FKBP6: variants seen among roughly 807,000 people sequenced by gnomAD.
The protein encoded by FKBP6 is FKBP prolyl isomerase family member 6 (inactive).
In FKBP6, 29 loss-of-function variants were observed where a neutral mutation model predicts 41.7. The observed-to-expected ratio is 0.70, with a 90% CI of 0.52 to 0.95. The LOEUF is 0.95. Among genes scored for constraint, FKBP6 ranks in the 40% least tolerant of loss-of-function variants. FKBP6 has a pLI of 0.00. For missense variants in FKBP6, 338 were observed against 408.7 expected (o/e 0.83, Z 1.49); for synonymous variants, 130 against 165.1 (o/e 0.79, Z 1.63).
At chr7:73,353,054 G>A (rs530158443) in intron 8 of FKBP6, among the ~76,000 whole-genome samples, 37 of 152,150 alleles carry the variant, frequency 2.4e-4, no homozygotes, top group Non-Finnish European at 3.4e-4. Context: ...CAAAGACAGC[G>A]GCATGATATC....
At chr7:73,337,505 G>A (rs1805043103) in intron 5 of FKBP6, among the ~76,000 whole-genome samples, 1 of 151,724 alleles carries the variant, frequency 6.6e-6, no homozygotes, top group Non-Finnish European at 1.5e-5. Context: ...TAGTAGAGGT[G>A]GGGTTTCCAT....
At chr7:73,340,866 C>T (rs1805158259) in intron 6 of FKBP6, 34 bp downstream of exon 6, 2 of 1,519,088 alleles carry the variant, frequency 1.3e-6, no homozygotes, top group Admixed American at 1.7e-5. Flanking sequence ...GGAATAAACA[C>T]CCAGGAAAAG....
At chr7:73,354,543 C>A (rs933860694) in intron 8 of FKBP6, among the ~76,000 whole-genome samples, 2 of 152,162 alleles carry the variant, frequency 1.3e-5, no homozygotes, top group African/African-American at 2.4e-5. Flanking sequence ...CAGCAGAGTC[C>A]CAAGGGGTGA....
chr7:73,340,722 C>T lies in FKBP6; in HGVS notation c.673C>T (p.Leu225=), dbSNP rs1193257324. Residue 225 remains leucine, a synonymous_variant, in exon 6 of 9, where the codon CTG becomes TTG. Coordinates refer to ENST00000252037, the MANE Select transcript of FKBP6 (RefSeq NM_003602.5). The part of the protein sequence containing the change: ...EAAKLPVLLN[L]SFTYLKLDRP... Reference sequence around the variant, plus strand: ...CGCCAAGCTTCCTGTTCTCCTGAACCTGTCCTTTACATACCTGAAGCTAGA... The same window carrying T: ...CGCCAAGCTTCCTGTTCTCCTGAACTTGTCCTTTACATACCTGAAGCTAGA... 1.2e-6 allele frequency: 2 copies of T among 1,613,986 alleles called. No individual in the cohort carries two copies. The highest frequency in any genetic ancestry group is 1.7e-6 in the Non-Finnish European group (2 of 1,179,980).
At chr7:73,347,272 T>C (rs150179921) in intron 8 of FKBP6, among the ~76,000 whole-genome samples, 70 of 152,320 alleles carry the variant, frequency 4.6e-4, no homozygotes, top group Middle Eastern at 6.8e-3. Context: ...TGTGTTAATA[T>C]TTTTAATGTA....
chr7:73,336,647 C>A, intron 5 of FKBP6: 1 of 425,168 alleles, frequency 2.4e-6, no homozygotes, highest in Non-Finnish European at 4.7e-6. Flanking sequence ...ATGCTACAAA[C>A]AGGGGTCCAC....
rs1161953394 is a variant in FKBP6 at position 73,328,240 on chromosome 7, G to A, written c.-189G>A. 2 of 1,549,148 alleles carry A rather than the reference G, an allele frequency of 1.3e-6. No homozygotes were observed. The highest frequency in any genetic ancestry group is 1.7e-6 in the Non-Finnish European group (2 of 1,146,646). On this transcript the variant is annotated 5_prime_UTR_variant, in exon 1 of 9. Coordinates refer to ENST00000252037, the MANE Select transcript of FKBP6 (RefSeq NM_003602.5). ...CTCTGTAGTTCCAGAGCTCGCGAGG[G>A]CCAGGGCCGTTGGCGGCGGTTGGAA...
chr7:73,344,767 TAG>T (rs377688263), intron 8 of FKBP6, among the ~76,000 whole-genome samples: 248 of 152,302 alleles, frequency 1.6e-3, no homozygotes, highest in Middle Eastern at 0.01. Context: ...GTATTTTTAG[TAG>T]AGACAGGGTT....
intron 4 of FKBP6, among the ~76,000 whole-genome samples, chr7:73,331,346 G>A (rs1804834866): frequency 6.6e-6 from 1 of 152,202 alleles, no homozygotes; most frequent in African/African-American, 2.4e-5. Context: ...GGGGAAGACT[G>A]AAGACGTAGA....
At chr7:73,354,771 G>A (rs1451155368) in intron 8 of FKBP6, among the ~76,000 whole-genome samples, 5 of 152,322 alleles carry the variant, frequency 3.3e-5, no homozygotes, top group Non-Finnish European at 5.9e-5. Flanking sequence ...GAAGGGCTGA[G>A]TGACCCATGC....
chr7:73,347,682 T>A (rs1156758982), intron 8 of FKBP6, among the ~76,000 whole-genome samples: 1 of 152,226 alleles, frequency 6.6e-6, no homozygotes, highest in Non-Finnish European at 1.5e-5. Flanking sequence ...TCTCGCTCTG[T>A]CACCCAGGCT....
chr7:73,336,902 A>G (rs1805022450), intron 5 of FKBP6: 3 of 437,872 alleles, frequency 6.9e-6, no homozygotes, highest in Admixed American at 5.0e-5. Context: ...GTTGTATATG[A>G]TGAAGTTGTA....
chr7:73,350,882 G>T (rs1805470903), intron 8 of FKBP6, among the ~76,000 whole-genome samples: 1 of 151,980 alleles, frequency 6.6e-6, no homozygotes, highest in Admixed American at 6.6e-5. Context: ...CTGCTCAGTT[G>T]CCAGGAAACC....
chr7:73,343,419 T>G (rs1021004688), intron 8 of FKBP6, among the ~76,000 whole-genome samples: 3 of 152,202 alleles, frequency 2.0e-5, no homozygotes, highest in Non-Finnish European at 2.9e-5. Flanking sequence ...ATGAATGTGA[T>G]GGTTGATAGA....
At chr7:73,355,934 C>G (rs1275535018) in intron 8 of FKBP6, among the ~76,000 whole-genome samples, 1 of 151,554 alleles carries the variant, frequency 6.6e-6, no homozygotes, top group South Asian at 2.1e-4. Context: ...AGTGTGGTAG[C>G]GGGCGCCTGT....
At position 73,340,668 on chromosome 7, in the gene FKBP6, C is replaced by A. The variant is rs782694012; in HGVS notation, c.619C>A (p.Pro207Thr). The change falls in exon 6 of 9, where the codon CCC (proline) becomes ACC (threonine). Residue 207 changes from proline to threonine, a missense_variant. Coordinates refer to ENST00000252037, the MANE Select transcript of FKBP6 (RefSeq NM_003602.5). ...ATTGCTTCTGCGCCGGCGATCAGCA[C>A]CCCCTGAAGAGCAGCACCTGGTGGA... ...ALLLLRRRSAPPEEQHLVEAA... is the reference protein window; with the variant it reads ...ALLLLRRRSATPEEQHLVEAA... 11 of 1,613,450 alleles carry A rather than the reference C, an allele frequency of 6.8e-6. No individual in the cohort carries two copies. In the African/African-American group the frequency reaches 1.1e-4, roughly 16 times the overall value.
intron 8 of FKBP6, among the ~76,000 whole-genome samples, chr7:73,353,366 A>G (rs1805542521): frequency 6.6e-6 from 1 of 152,210 alleles, no homozygotes; most frequent in Admixed American, 6.5e-5. Flanking sequence ...ATACTCTGTT[A>G]CAGATCAGCA....
rs1326721186 is a variant in FKBP6 at position 73,341,214 on chromosome 7, G to A, written c.784-59G>A. The A allele has an allele frequency of 8.5e-5, 103 of 1,212,288 alleles. 1 individual carries two copies. In the East Asian group the frequency reaches 1.9e-3, roughly 22 times the overall value. 75.1% of individuals were successfully genotyped at this position (1,212,288 alleles called of 1,614,324 possible). ...GCTGGGATTACAGGCATGAGCCACC[G>A]TGCCCAGCCAAATGATATCTTTTCT... On this transcript the variant is annotated intron_variant, in intron 6 of 8. Coordinates refer to ENST00000252037, the MANE Select transcript of FKBP6 (RefSeq NM_003602.5).
At chr7:73,341,069 A>G (rs1476353071) in intron 6 of FKBP6, among the ~76,000 whole-genome samples, 2 of 151,842 alleles carry the variant, frequency 1.3e-5, no homozygotes, top group African/African-American at 4.8e-5. Context: ...GATTACAGGC[A>G]TGCGCCATCA....
Sources: allele counts gnomAD v4.1 joint callset (sites outside exome capture counted in the v4.1 genomes callset), GRCh38; gene constraint gnomAD v4.1.1; transcripts MANE v1.5; gene names NCBI Gene and HGNC (gene_info 2026-07-23, HGNC 2026-07-21).